Variants in PRDX3 observed in about 807,000 individuals in gnomAD.
PRDX3 encodes the protein thioredoxin-dependent peroxide reductase, mitochondrial.
A neutral mutation model predicts 30.4 loss-of-function variants in PRDX3; 20 were observed. The ratio of observed to expected loss-of-function variants is 0.66; its 90% CI spans 0.46 to 0.96. PRDX3 has a LOEUF of 0.96. Among genes scored for constraint, PRDX3 ranks in the 40% least tolerant of loss-of-function variants. The probability of loss-of-function intolerance (pLI) is 0.00; values close to 1 mark genes in which losing one functional copy is unlikely to be tolerated. For missense variants in PRDX3, 322 were observed against 318.3 expected (o/e 1.01, Z -0.09); for synonymous variants, 124 against 117.8 (o/e 1.05, Z -0.34).
chr10:119,177,548 G>C (rs1848067012), intron 1 of PRDX3, among the ~76,000 whole-genome samples: 1 of 151,226 alleles, frequency 6.6e-6, no homozygotes, highest in African/African-American at 2.4e-5. Context: ...AATTCCAGCT[G>C]CTTGGGAGGC....
chr10:119,176,773 C>T (rs1349170776), intron 2 of PRDX3, among the ~76,000 whole-genome samples: 1 of 152,206 alleles, frequency 6.6e-6, no homozygotes, highest in Non-Finnish European at 1.5e-5. Context: ...CTCTGACAAC[C>T]AACATGGAAA....
At chr10:119,172,287 A>G in intron 5 of PRDX3, 95 bp downstream of exon 5, 1 of 1,125,776 alleles carries the variant, frequency 8.9e-7, no homozygotes, top group Non-Finnish European at 1.3e-6. Flanking sequence ...TCTGGTTTTA[A>G]AAATGCTTTA....
chr10:119,173,802 C>T lies in PRDX3; in HGVS notation c.382G>A (p.Glu128Lys), dbSNP rs1052978073. The T allele has an allele frequency of 1.9e-6, 3 of 1,612,900 alleles. No individual in the cohort carries two copies. The South Asian group carries it at 3.3e-5, about 18-fold the overall frequency. ...GAATCCACTGAGACTGCGACAACTT[C>T]ACAGTTCACGTCGTGAAATTCGTTA... ...KANEFHDVNC[E>K]VVAVSVDSHF... The change falls in exon 4 of 7, where the codon GAA becomes AAA. Residue 128 changes from glutamate to lysine, a missense_variant. Coordinates refer to ENST00000298510, the MANE Select transcript of PRDX3 (RefSeq NM_006793.5).
chr10:119,168,027 A>G lies in PRDX3; in HGVS notation c.*453T>C, dbSNP rs746960344. 4.1e-4 allele frequency: 66 copies of G among 162,204 alleles called. No homozygotes were observed. The highest frequency in any genetic ancestry group is 4.0e-4 in the Non-Finnish European group (30 of 74,824). 10.0% of individuals were successfully genotyped at this position (162,204 alleles called of 1,614,324 possible). A position where few individuals can be genotyped will look rare whatever the true frequency, so the allele number is the denominator to read the frequency against. ...ATTCATTGCAGGAGTTACACGGCTA[A>G]TCATTGAAAATTATGATCTTTGTTA... On this transcript the variant is annotated 3_prime_UTR_variant, in exon 7 of 7. Coordinates refer to ENST00000298510, the MANE Select transcript of PRDX3 (RefSeq NM_006793.5).
intron 3 of PRDX3, 152 bp downstream of exon 3, chr10:119,174,299 T>G: frequency 1.0e-6 from 1 of 983,104 alleles, no homozygotes; most frequent in Non-Finnish European, 1.5e-6. Context: ...AAGCTACAGA[T>G]CCCAGCTGTA....
intron 6 of PRDX3, 116 bp downstream of exon 6, chr10:119,169,061 G>T: frequency 5.6e-4 from 396 of 711,732 alleles, no homozygotes; most frequent in East Asian, 1.5e-3. Flanking sequence ...TCACCCATTT[G>T]CATATCATCT....
chr10:119,170,441 A>C (rs1847878592), intron 5 of PRDX3: 1 of 152,074 alleles, frequency 6.6e-6, no homozygotes, highest in Admixed American at 6.6e-5. Flanking sequence ...CTCTCTTGTT[A>C]ATCTCAATAT....
intron 2 of PRDX3, chr10:119,174,812 A>C: frequency 2.3e-6 from 1 of 440,172 alleles, no homozygotes; most frequent in South Asian, 5.6e-5. Flanking sequence ...CTCTTACATA[A>C]AGTGGTGATT....
In PRDX3 at chr10:119,175,418, G is replaced by A. The variant is rs143098723; in HGVS notation, c.170-826C>T. ...CAGGAAAGATAACAGAGTCAAGGGC[G>A]GAGTCTCGCTCTGTTCGCCCAGGCT... On this transcript the variant is annotated intron_variant, in intron 2 of 6. Coordinates refer to ENST00000298510, the MANE Select transcript of PRDX3 (RefSeq NM_006793.5). 8.4e-4 allele frequency among the ~76,000 whole-genome samples: 128 copies of A among 152,264 alleles called. 1 individual carries two copies. Among genetic ancestry groups the A allele is most frequent in the Middle Eastern group, 6.8e-3 (2 of 294 alleles).
At chr10:119,176,234 C>A (rs1848023295) in intron 2 of PRDX3, among the ~76,000 whole-genome samples, 1 of 152,184 alleles carries the variant, frequency 6.6e-6, no homozygotes, top group Non-Finnish European at 1.5e-5. Flanking sequence ...ATGCCTGACA[C>A]CGCCATGAAC....
At chr10:119,177,629 C>A (rs1414378643) in intron 1 of PRDX3, among the ~76,000 whole-genome samples, 2 of 145,780 alleles carry the variant, frequency 1.4e-5, no homozygotes, top group Non-Finnish European at 3.0e-5. Context: ...TGCACTCTAA[C>A]CTGGGCGACA....
At position 119,171,029 on chromosome 10, in the gene PRDX3, C is replaced by CTTTG. The variant is rs142907226; in HGVS notation, c.551+1349_551+1352dup. The CTTTG allele has an allele frequency of 5.5e-3, 854 of 155,492 alleles. 22 individuals are homozygous for CTTTG. The highest frequency in any genetic ancestry group is 0.041 in the Admixed American group (632 of 15,234). 9.6% of individuals were successfully genotyped at this position (155,492 alleles called of 1,614,324 possible). On this transcript the variant is annotated intron_variant, in intron 5 of 6. Coordinates refer to ENST00000298510, the MANE Select transcript of PRDX3 (RefSeq NM_006793.5). ...CCTACAAGACAGGCAGGTGAGCTGG[C>CTTTG]TTTGTTTGTTTGTTTGTTTGTTTGC...
At position 119,167,783 on chromosome 10, in the gene PRDX3, A is replaced by T. The variant is rs1183244361; in HGVS notation, c.*697T>A. 1 of 152,242 alleles carries T rather than the reference A, an allele frequency of 6.6e-6. No homozygotes were observed. The highest frequency in any genetic ancestry group is 1.9e-4 in the East Asian group (1 of 5,200). The allele number at this position is 152,242 out of a possible 1,614,324, so 9.4% of individuals were successfully genotyped here. A position where few individuals can be genotyped will look rare whatever the true frequency, so the allele number is the denominator to read the frequency against. ...ATACTTCAGCAAAGAAAATAATTATAATTTCAAAATGCAATCCCTGGATTT... is the reference window on the plus strand; with the variant it reads ...ATACTTCAGCAAAGAAAATAATTATTATTTCAAAATGCAATCCCTGGATTT... On this transcript the variant is annotated 3_prime_UTR_variant, in exon 7 of 7. Transcript: ENST00000298510.
chr10:119,176,725 C>G (rs1011196884), intron 2 of PRDX3, among the ~76,000 whole-genome samples: 2 of 152,198 alleles, frequency 1.3e-5, no homozygotes, highest in African/African-American at 2.4e-5. Flanking sequence ...GGCATCTGAG[C>G]TCCCAGTAAC....
chr10:119,174,444 C>T lies in PRDX3; in HGVS notation c.311+7G>A. 6 of 1,591,964 alleles carry T rather than the reference C, an allele frequency of 3.8e-6. No homozygotes were observed. Among genetic ancestry groups the T allele is most frequent in the Non-Finnish European group, 5.1e-6 (6 of 1,173,778 alleles). ...TGACACGAAAGCATCATAGAAATTA[C>T]ACTTACAAATCCAAAGGATAGAAGA... is the stretch of plus-strand genomic sequence containing the variant. On this transcript the variant is annotated splice_region_variant and intron_variant, in intron 3 of 6. Coordinates refer to ENST00000298510, the MANE Select transcript of PRDX3 (RefSeq NM_006793.5).
chr10:119,169,145 G>A, intron 6 of PRDX3, 32 bp downstream of exon 6: 2 of 1,606,646 alleles, frequency 1.2e-6, no homozygotes, highest in Non-Finnish European at 1.7e-6. Flanking sequence ...GAGAGAACAT[G>A]GACCTCACTG....
Position 119,169,128 on chromosome 10 carries a change from C to T in PRDX3, c.717+49G>A, listed in dbSNP as rs775275320. On this transcript the variant is annotated intron_variant, in intron 6 of 6. Coordinates refer to ENST00000298510, the MANE Select transcript of PRDX3 (RefSeq NM_006793.5). Reference sequence around the variant, plus strand: ...GTGGATATTTCAGGTCAATAGCTCTCGAGGCTGAGAGAACATGGACCTCAC... The same window carrying T: ...GTGGATATTTCAGGTCAATAGCTCTTGAGGCTGAGAGAACATGGACCTCAC... 1.9e-5 allele frequency: 30 copies of T among 1,591,152 alleles called. No homozygotes were observed. The East Asian group carries it at 3.4e-4, about 18-fold the overall frequency.
chr10:119,172,544 G>A, intron 4 of PRDX3, 59 bp from the exon 5 acceptor site: 6 of 1,372,326 alleles, frequency 4.4e-6, no homozygotes, highest in East Asian at 2.3e-5. Flanking sequence ...TCTTGACCAC[G>A]TACCACAATG....
Position 119,173,661 on chromosome 10 carries a change from T to C in PRDX3, c.447+76A>G. The stretch of plus-strand genomic sequence containing the variant: ...CCCTTGCGTAATTTGATCTTGATAG[T>C]CCAGCAGCATAGCTAGAAATTTAGA... On this transcript the variant is annotated intron_variant, in intron 4 of 6. Transcript: ENST00000298510. The C allele has an allele frequency of 2.0e-6, 3 of 1,509,598 alleles. No homozygotes were observed. In the South Asian group the frequency reaches 3.6e-5, roughly 18 times the overall value. The allele number at this position is 1,509,598 out of a possible 1,614,324, so 93.5% of individuals were successfully genotyped here. A position where few individuals can be genotyped will look rare whatever the true frequency, so the allele number is the denominator to read the frequency against.
Sources: gnomAD v4.1 joint callset for allele counts (sites outside exome capture counted in the v4.1 genomes callset) on GRCh38, gnomAD v4.1.1 for gene constraint, MANE v1.5 for transcripts, NCBI Gene and HGNC (gene_info 2026-07-23, HGNC 2026-07-21) for gene names.